Variants in DHRSX observed in about 807,000 individuals in gnomAD.
DHRSX encodes dehydrogenase/reductase X-linked, also known as polyprenol dehydrogenase.
Under a neutral mutation model 34.0 loss-of-function variants are expected in DHRSX, and 31 were observed. That is an observed-to-expected ratio of 0.91 (90% CI 0.69 to 1.23). The LOEUF (loss-of-function observed/expected upper bound fraction) is 1.23. Among genes scored for constraint, DHRSX ranks in the 50% most tolerant of loss-of-function variants. DHRSX has a pLI of 0.00. For synonymous variants in DHRSX, 201 were observed against 183.8 expected (o/e 1.09, Z -0.76); for missense variants, 414 against 428.1 (o/e 0.97, Z 0.29).
intron 1 of DHRSX, among the ~76,000 whole-genome samples, chrX:2,445,050 A>G (rs1031956352): frequency 6.6e-6 from 1 of 152,134 alleles, no homozygotes; most frequent in Admixed American, 6.6e-5. Context: ...CCAGCTACTC[A>G]GGAGGCTGAG....
chrX:2,452,446 T>C (rs1239048095), intron 1 of DHRSX, among the ~76,000 whole-genome samples: 1 of 151,726 alleles, frequency 6.6e-6, no homozygotes, highest in African/African-American at 2.4e-5. Flanking sequence ...CCTACGAATG[T>C]GGATAAGGGA....
intron 2 of DHRSX, among the ~76,000 whole-genome samples, chrX:2,419,930 G>T (rs1358104616): frequency 6.6e-6 from 1 of 151,830 alleles, no homozygotes; most frequent in Non-Finnish European, 1.5e-5. Flanking sequence ...TAACAAACCT[G>T]CACGTTGTGC....
chrX:2,238,892 C>G (rs2016077833), intron 6 of DHRSX, among the ~76,000 whole-genome samples: 2 of 151,924 alleles, frequency 1.3e-5, no homozygotes, highest in Non-Finnish European at 1.5e-5. Flanking sequence ...GCTGATCTTC[C>G]AAGTCTTAAT....
In DHRSX at chrX:2,303,937, GTGGA is replaced by G. The variant is rs1169128982; in HGVS notation, c.287-12338_287-12335del. On this transcript the variant is annotated intron_variant, in intron 3 of 6. Coordinates refer to ENST00000334651, the MANE Select transcript of DHRSX (RefSeq NM_145177.3). ...GATGGATGGATGGATGGGTGGGTGG[GTGGA>G]TCGATGGATTGATGGATGGATACAT... Among the ~76,000 whole-genome samples, 237 of 133,504 alleles carry G rather than the reference GTGGA, an allele frequency of 1.8e-3. 2 individuals are homozygous for G. Among genetic ancestry groups the G allele is most frequent in the African/African-American group, 6.4e-3 (230 of 35,724 alleles). 87.6% of individuals were successfully genotyped at this position (133,504 alleles called of 152,430 possible). A position where few individuals can be genotyped will look rare whatever the true frequency, so the allele number is the denominator to read the frequency against.
chrX:2,405,535 G>C (rs1441714222), intron 3 of DHRSX, among the ~76,000 whole-genome samples: 1 of 151,946 alleles, frequency 6.6e-6, no homozygotes, highest in Non-Finnish European at 1.5e-5. Flanking sequence ...GCCAGGCACA[G>C]TGGCTCACAC....
chrX:2,312,705 T>TA (rs2042177934), intron 3 of DHRSX, among the ~76,000 whole-genome samples: 1 of 151,376 alleles, frequency 6.6e-6, no homozygotes, highest in Non-Finnish European at 1.5e-5. Flanking sequence ...CCCCAGAAGT[T>TA]AAAGTATAAT....
chrX:2,313,681 T>C (rs2042191364), intron 3 of DHRSX, among the ~76,000 whole-genome samples: 1 of 152,144 alleles, frequency 6.6e-6, no homozygotes, highest in Non-Finnish European at 1.5e-5. Context: ...TTTATAATTG[T>C]TGATGAAAAG....
At chrX:2,418,741 C>CA (rs921859321) in intron 2 of DHRSX, among the ~76,000 whole-genome samples, 119 of 152,236 alleles carry the variant, frequency 7.8e-4, no homozygotes, top group Non-Finnish European at 1.4e-3. Context: ...TCTCCCTGTT[C>CA]AAAAAATCAG....
At chrX:2,303,483 C>T (rs1346225550) in intron 3 of DHRSX, among the ~76,000 whole-genome samples, 6 of 152,150 alleles carry the variant, frequency 3.9e-5, no homozygotes, top group African/African-American at 1.4e-4. Flanking sequence ...GCCATTAAGA[C>T]GTGCTGGCTT....
chrX:2,315,988 A>C (rs1174541300), intron 3 of DHRSX, among the ~76,000 whole-genome samples: 1 of 152,046 alleles, frequency 6.6e-6, no homozygotes, highest in African/African-American at 2.4e-5. Flanking sequence ...CAGCCTCCCC[A>C]GTAGCTGGGA....
chrX:2,479,634 T>G (rs2044738996), intron 1 of DHRSX, among the ~76,000 whole-genome samples: 1 of 148,846 alleles, frequency 6.7e-6, no homozygotes, highest in Non-Finnish European at 1.5e-5. Flanking sequence ...CACTGCCCTG[T>G]GCACACTGAA....
At chrX:2,337,274 C>T (rs1006473695) in intron 3 of DHRSX, among the ~76,000 whole-genome samples, 1 of 152,084 alleles carries the variant, frequency 6.6e-6, no homozygotes, top group African/African-American at 2.4e-5. Flanking sequence ...AGGTTCAGGA[C>T]TGATGGACAC....
At chrX:2,452,843 C>A (rs770333206) in intron 1 of DHRSX, among the ~76,000 whole-genome samples, 25 of 152,312 alleles carry the variant, frequency 1.6e-4, no homozygotes, top group Admixed American at 1.2e-3. Context: ...CATGGGCCTG[C>A]GAAACATCAG....
At chrX:2,350,681 G>A (rs1161468714) in intron 3 of DHRSX, among the ~76,000 whole-genome samples, 1 of 152,148 alleles carries the variant, frequency 6.6e-6, no homozygotes, top group Non-Finnish European at 1.5e-5. Context: ...CAGCAGTTGT[G>A]CCTAGAGTTA....
chrX:2,221,349 A>T (rs1193219252), intron 6 of DHRSX, 120 bp from the exon 7 acceptor site: 1 of 1,044,962 alleles, frequency 9.6e-7, no homozygotes, highest in African/African-American at 1.6e-5. Context: ...TGCACTGAGA[A>T]ATGTATGCAA....
At chrX:2,287,001 CTG>C (rs960588086) in intron 4 of DHRSX, among the ~76,000 whole-genome samples, 4 of 152,340 alleles carry the variant, frequency 2.6e-5, no homozygotes, top group African/African-American at 9.6e-5. Flanking sequence ...CTTTACAAGA[CTG>C]TGTTGTCACA....
chrX:2,316,829 C>CA (rs1338938485), intron 3 of DHRSX, among the ~76,000 whole-genome samples: 8 of 152,132 alleles, frequency 5.3e-5, no homozygotes, highest in Admixed American at 6.6e-5. Flanking sequence ...TGGATTAACT[C>CA]AAAGTTTTGA....
chrX:2,416,993 T>C (rs2043702096), intron 2 of DHRSX, among the ~76,000 whole-genome samples: 1 of 152,118 alleles, frequency 6.6e-6, no homozygotes, highest in Non-Finnish European at 1.5e-5. Context: ...AATGAAAAAA[T>C]GCCTCTCTCA....
chrX:2,484,115 G>A (rs1460495909), intron 1 of DHRSX, among the ~76,000 whole-genome samples: 3 of 152,112 alleles, frequency 2.0e-5, no homozygotes, highest in African/African-American at 7.2e-5. Flanking sequence ...TGGGATTACA[G>A]GTGCCCACCA....
Sources: gnomAD v4.1 joint callset for allele counts (sites outside exome capture counted in the v4.1 genomes callset) on GRCh38, gnomAD v4.1.1 for gene constraint, MANE v1.5 for transcripts, NCBI Gene and HGNC (gene_info 2026-07-23, HGNC 2026-07-21) for gene names.